ONECUT2: variants seen among roughly 807,000 people sequenced by gnomAD.
ONECUT2 encodes the protein one cut homeobox 2.
A neutral mutation model predicts 27.9 loss-of-function variants in ONECUT2; 10 were observed. The ratio of observed to expected loss-of-function variants is 0.36; its 90% confidence interval spans 0.22 to 0.61. ONECUT2 has a LOEUF of 0.61. Among genes scored for constraint, ONECUT2 ranks in the 20% least tolerant of loss-of-function variants. The probability of loss-of-function intolerance (pLI) is 0.73; values close to 1 mark genes in which losing one functional copy is unlikely to be tolerated. For synonymous variants in ONECUT2, 334 were observed against 315.1 expected (o/e 1.06, Z -0.64); for missense variants, 686 against 721.0 (o/e 0.95, Z 0.56).
intron 1 of ONECUT2, among the ~76,000 whole-genome samples, chr18:57,460,496 T>A (rs1355232538): frequency 6.6e-6 from 1 of 152,020 alleles, no homozygotes; most frequent in Non-Finnish European, 1.5e-5. Flanking sequence ...CTATTTAAAT[T>A]ATTTTTGCTT....
At chr18:57,459,097 T>A (rs1317087594) in intron 1 of ONECUT2, among the ~76,000 whole-genome samples, 1 of 152,214 alleles carries the variant, frequency 6.6e-6, no homozygotes, top group African/African-American at 2.4e-5. Context: ...CTTTACAAAT[T>A]ACAAATGTGG....
At chr18:57,465,770 G>A (rs537131896) in intron 1 of ONECUT2, among the ~76,000 whole-genome samples, 1 of 152,180 alleles carries the variant, frequency 6.6e-6, no homozygotes, top group African/African-American at 2.4e-5. Context: ...AAGGGTGTAT[G>A]TTTTGCTCAT....
rs150779736 is a variant in ONECUT2, at chr18:57,453,528, C to T, written c.1228+16584C>T. 0.024 allele frequency among the ~76,000 whole-genome samples: 21 copies of T among 872 alleles called. No homozygotes were observed. In the East Asian group the frequency reaches 0.38, roughly 16 times the overall value. 0.6% of individuals were successfully genotyped at this position (872 alleles called of 152,430 possible). On this transcript the variant is annotated intron_variant, in intron 1 of 1. Transcript: ENST00000491143. ...TGCATTCACATGAAATGGCGTCCTACGAATCAATACCCAGTGCTCACAGTT... is the reference window on the plus strand; with the variant it reads ...TGCATTCACATGAAATGGCGTCCTATGAATCAATACCCAGTGCTCACAGTT...
At chr18:57,463,995 A>G (rs1396336590) in intron 1 of ONECUT2, among the ~76,000 whole-genome samples, 1 of 152,120 alleles carries the variant, frequency 6.6e-6, no homozygotes, top group Non-Finnish European at 1.5e-5. Flanking sequence ...AAAACCAAAA[A>G]AAAAAAAAAG....
In ONECUT2 at chr18:57,436,123, A is replaced by G; in HGVS notation, c.407A>G (p.Asp136Gly). The G allele has an allele frequency of 6.2e-7, 1 of 1,601,746 alleles. No homozygotes were observed. The highest frequency in any genetic ancestry group is 8.5e-7 in the Non-Finnish European group (1 of 1,179,796). Residue 136 changes from aspartate (D) to glycine (G), a missense_variant, in exon 1 of 2, where the codon GAC becomes GGC. By Grantham distance (94) the Asp-to-Gly change is moderately conservative (BLOSUM62 -1). This residue lies in a region of ONECUT2 where 511 missense variants were observed against 488.1 expected (regional missense o/e 1.05). Transcript: ENST00000491143. The surrounding 1 kb of genome is among the most constrained non-coding windows in gnomAD (Gnocchi z 5.9). The stretch of plus-strand genomic sequence containing the variant: ...CACCACGCCATGAGCATGTCCTGCG[A>G]CTCGTCTCCGCCTGGCATGGGCATG... ...PLHHAMSMSC[D>G]SSPPGMGMSN...
intron 1 of ONECUT2, among the ~76,000 whole-genome samples, chr18:57,468,770 C>A (rs1026029678): frequency 6.6e-6 from 1 of 152,196 alleles, no homozygotes; most frequent in Non-Finnish European, 1.5e-5. Flanking sequence ...GATTTACCAG[C>A]ATTTATGGCT....
At chr18:57,442,330 A>G (rs1260619192) in intron 1 of ONECUT2, among the ~76,000 whole-genome samples, 2 of 151,366 alleles carry the variant, frequency 1.3e-5, no homozygotes, top group Non-Finnish European at 2.9e-5. Context: ...TCGGGAGGGA[A>G]AGCAGTGTTT....
intron 1 of ONECUT2, among the ~76,000 whole-genome samples, chr18:57,472,361 T>A (rs1457260905): frequency 6.6e-6 from 1 of 152,198 alleles, no homozygotes; most frequent in East Asian, 1.9e-4. Context: ...CCAGACGTCA[T>A]TGGATCTGTC....
intron 1 of ONECUT2, among the ~76,000 whole-genome samples, chr18:57,452,416 T>TATTTC (rs1419359760): frequency 1.3e-5 from 2 of 151,926 alleles, no homozygotes; most frequent in Non-Finnish European, 2.9e-5. Context: ...ACCTGTATTT[T>TATTTC]ATTTTATTTT....
intron 1 of ONECUT2, among the ~76,000 whole-genome samples, chr18:57,447,110 A>T (rs1474842642): frequency 6.6e-6 from 1 of 152,254 alleles, no homozygotes; most frequent in Non-Finnish European, 1.5e-5. Flanking sequence ...CCGTTTTGCA[A>T]TTGCAAAGAA....
rs2050415050 is a variant in ONECUT2, at chr18:57,481,335, C to T, written c.*4612C>T. 6.6e-6 allele frequency: 1 copy of T among 152,210 alleles called. No individual in the cohort carries two copies. The highest frequency in any genetic ancestry group is 2.1e-4 in the South Asian group (1 of 4,836). The allele number at this position is 152,210 out of a possible 1,614,324, so 9.4% of individuals were successfully genotyped here. On this transcript the variant is annotated 3_prime_UTR_variant, in exon 2 of 2. Coordinates refer to ENST00000491143, the MANE Select transcript of ONECUT2 (RefSeq NM_004852.3). ...CCAGAAAGAGTTGCTTCTAAGCTCC[C>T]TTTTCCCCCTGCAGGCTCTTGGCAA...
chr18:57,452,356 T>A (rs1272561858), intron 1 of ONECUT2, among the ~76,000 whole-genome samples: 3 of 152,190 alleles, frequency 2.0e-5, no homozygotes. Context: ...TGCTCTAGTG[T>A]CCCAATGGGA....
At position 57,485,282 on chromosome 18, in the gene ONECUT2, T is replaced by C. The variant is rs2050432766; in HGVS notation, c.*8559T>C. ...CTTTTCCTTTTTAGTTGTAGGTGTTTACATTTCATTTCTAAGCCAACTCTG... is the reference window on the plus strand; with the variant it reads ...CTTTTCCTTTTTAGTTGTAGGTGTTCACATTTCATTTCTAAGCCAACTCTG... On this transcript the variant is annotated 3_prime_UTR_variant, in exon 2 of 2. Transcript: ENST00000491143. 6.6e-6 allele frequency: 1 copy of C among 152,202 alleles called. No individual in the cohort carries two copies. The highest frequency in any genetic ancestry group is 1.5e-5 in the Non-Finnish European group (1 of 68,028). The allele number at this position is 152,202 out of a possible 1,614,324, so 9.4% of individuals were successfully genotyped here. A position where few individuals can be genotyped will look rare whatever the true frequency, so the allele number is the denominator to read the frequency against.
Position 57,435,694 on chromosome 18 carries a change from GC to G in ONECUT2, c.-18del, listed in dbSNP as rs1344423844. On this transcript the variant is annotated 5_prime_UTR_variant, in exon 1 of 2. Coordinates refer to ENST00000491143, the MANE Select transcript of ONECUT2 (RefSeq NM_004852.3). The stretch of plus-strand genomic sequence containing the variant: ...GCCGGCCGCCCCCGCCGCCCCCGCC[GC>G]CCCCGGGCCCTGATGGACTGAATGA... 9.4e-5 allele frequency: 37 copies of G among 392,938 alleles called. No homozygotes were observed. Among genetic ancestry groups the G allele is most frequent in the Non-Finnish European group, 1.3e-4 (33 of 257,366 alleles). The allele number at this position is 392,938 out of a possible 1,614,324, so 24.3% of individuals were successfully genotyped here. A position where few individuals can be genotyped will look rare whatever the true frequency, so the allele number is the denominator to read the frequency against.
chr18:57,474,292 A>C (rs1337028324), intron 1 of ONECUT2, among the ~76,000 whole-genome samples: 5 of 152,182 alleles, frequency 3.3e-5, no homozygotes, highest in Non-Finnish European at 7.3e-5. Flanking sequence ...GAGGGCAGCC[A>C]GTTAGGTAGA....
intron 1 of ONECUT2, among the ~76,000 whole-genome samples, chr18:57,438,705 C>G (rs573458110): frequency 7.6e-4 from 116 of 152,346 alleles, no homozygotes; most frequent in African/African-American, 2.8e-3. Context: ...GAGCCTCCCC[C>G]AAATCGGCGG....
rs1263340165 is a variant in ONECUT2 at position 57,436,651 on chromosome 18, G to T, written c.935G>T (p.Arg312Leu). Residue 312 changes from arginine (R) to leucine (L), a missense_variant, in exon 1 of 2, where the codon CGC becomes CTC. By Grantham distance (102) the Arg-to-Leu change is moderately radical. Coordinates refer to ENST00000491143, the MANE Select transcript of ONECUT2 (RefSeq NM_004852.3). This position sits in a 1 kb window ranked among gnomAD's most constrained non-coding sequence, Gnocchi z 5.9. Reference protein sequence around the residue: ...QSHGPVLAPSRERPPSSSSGS... With the variant: ...QSHGPVLAPSLERPPSSSSGS... ...CACGGGCCGGTGCTGGCACCCAGTC[G>T]CGAGCGGCCACCCTCGTCCTCATCG... The T allele has an allele frequency of 2.5e-6, 4 of 1,612,244 alleles. No individual in the cohort carries two copies. The highest frequency in any genetic ancestry group is 1.3e-5 in the African/African-American group (1 of 75,064).
At chr18:57,461,752 C>T (rs2050293109) in intron 1 of ONECUT2, among the ~76,000 whole-genome samples, 1 of 152,232 alleles carries the variant, frequency 6.6e-6, no homozygotes, top group African/African-American at 2.4e-5. Context: ...TTGAGGAAAT[C>T]TCCTGGACCC....
chr18:57,439,715 G>A (rs983677941), intron 1 of ONECUT2, among the ~76,000 whole-genome samples: 1 of 152,156 alleles, frequency 6.6e-6, no homozygotes. Flanking sequence ...TGGGCCCCGG[G>A]GGTTTAACAA....
Sources: allele counts gnomAD v4.1 joint callset (sites outside exome capture counted in the v4.1 genomes callset), GRCh38; gene constraint gnomAD v4.1.1; regional missense constraint gnomAD v4.1.1; non-coding constraint Gnocchi (gnomAD v3.1); transcripts MANE v1.5; gene names NCBI Gene and HGNC (gene_info 2026-07-23, HGNC 2026-07-21).